SGCD: variants seen among roughly 807,000 people sequenced by gnomAD.
SGCD encodes delta-sarcoglycan.
In SGCD, 18 loss-of-function variants were observed where a neutral mutation model predicts 36.6. The ratio of observed to expected loss-of-function variants is 0.49; its 90% CI spans 0.34 to 0.73. The LOEUF (loss-of-function observed/expected upper bound fraction) is 0.73. Ranked by LOEUF, SGCD falls within the 30% of genes least tolerant of loss-of-function variation. The pLI, the probability that SGCD is intolerant of heterozygous loss-of-function variation, is 0.01. For synonymous variants in SGCD, 133 were observed against 130.6 expected (o/e 1.02, Z -0.12); for missense variants, 387 against 346.7 (o/e 1.12, Z -0.92).
intron 3 of SGCD, among the ~76,000 whole-genome samples, chr5:156,145,367 C>T (rs1762686664): frequency 6.6e-6 from 1 of 152,164 alleles, no homozygotes; most frequent in Non-Finnish European, 1.5e-5. Flanking sequence ...GTACAGCCTA[C>T]AGAATCATGA....
chr5:155,960,987 C>A (rs1481765409), intron 1 of SGCD, among the ~76,000 whole-genome samples: 2 of 152,068 alleles, frequency 1.3e-5, no homozygotes, highest in Admixed American at 6.6e-5. Context: ...ATTATGGGGG[C>A]TAAGTGGTTT....
intron 1 of SGCD, among the ~76,000 whole-genome samples, chr5:155,907,832 G>A (rs968117835): frequency 3.3e-5 from 5 of 152,070 alleles, no homozygotes; most frequent in African/African-American, 9.7e-5. Context: ...GCAATGATAG[G>A]GTTTGAGAGG....
chr5:156,731,034 A>G (rs1756034150), intron 7 of SGCD, among the ~76,000 whole-genome samples: 1 of 152,060 alleles, frequency 6.6e-6, no homozygotes, highest in Admixed American at 6.6e-5. Context: ...TCTTGGCCAC[A>G]TGTATGTCTT....
intron 3 of SGCD, among the ~76,000 whole-genome samples, chr5:156,234,502 T>G (rs999779087): frequency 1.1e-4 from 16 of 152,244 alleles, no homozygotes; most frequent in African/African-American, 3.6e-4. Flanking sequence ...GCCACACAGT[T>G]TAAAAAAAAC....
At chr5:156,309,087 C>G (rs1202449932) in intron 3 of SGCD, among the ~76,000 whole-genome samples, 1 of 152,064 alleles carries the variant, frequency 6.6e-6, no homozygotes, top group African/African-American at 2.4e-5. Context: ...TTGCCTTTGG[C>G]TTTTGACAGT....
At chr5:156,317,210 T>C (rs1767540786) in intron 3 of SGCD, among the ~76,000 whole-genome samples, 1 of 152,114 alleles carries the variant, frequency 6.6e-6, no homozygotes, top group African/African-American at 2.4e-5. Flanking sequence ...TCTGCTAATA[T>C]TTGAAGATTT....
chr5:156,249,960 A>G (rs1765535363), intron 3 of SGCD, among the ~76,000 whole-genome samples: 1 of 152,234 alleles, frequency 6.6e-6, no homozygotes, highest in Non-Finnish European at 1.5e-5. Context: ...TTCCTGGGCC[A>G]TGTGCCCATA....
intron 5 of SGCD, among the ~76,000 whole-genome samples, chr5:156,592,373 CAATAT>C (rs763528439): frequency 7.9e-5 from 12 of 152,094 alleles, no homozygotes; most frequent in Non-Finnish European, 1.8e-4. Flanking sequence ...AAAGCACTGA[CAATAT>C]AATATAGATT....
At chr5:156,057,731 C>T (rs989526964) in intron 1 of SGCD, among the ~76,000 whole-genome samples, 1 of 145,866 alleles carries the variant, frequency 6.9e-6, no homozygotes, top group African/African-American at 2.5e-5. Flanking sequence ...GAAACTGTCT[C>T]CTGCTGGCCA....
the SGCD span, among the ~76,000 whole-genome samples, chr5:155,757,373 A>T: frequency 6.6e-6 from 1 of 152,154 alleles, no homozygotes; most frequent in Admixed American, 6.5e-5. Flanking sequence ...TATTTTACCC[A>T]TCTTTGTATG....
At chr5:156,364,563 G>A (rs1290937563) in intron 3 of SGCD, among the ~76,000 whole-genome samples, 1 of 152,194 alleles carries the variant, frequency 6.6e-6, no homozygotes, top group Non-Finnish European at 1.5e-5. Flanking sequence ...TCCAGTATGT[G>A]TGTGACTTTC....
intron 3 of SGCD, among the ~76,000 whole-genome samples, chr5:156,167,874 A>T (rs1763250349): frequency 6.6e-6 from 1 of 152,204 alleles, no homozygotes; most frequent in African/African-American, 2.4e-5. Context: ...ATATTCCTTT[A>T]TAGTAATGCA....
rs145566221 is a variant in SGCD, at chr5:156,199,386, G to A, written c.-44+75367G>A. 1.4e-4 allele frequency among the ~76,000 whole-genome samples: 21 copies of A among 152,114 alleles called. No individual in the cohort carries two copies. The East Asian group carries it at 4.1e-3, about 29-fold the overall frequency. On this transcript the variant is annotated intron_variant, in intron 3 of 9. Transcript: ENST00000517913. ...AAATAATGTCTTCTTCACAGAATTGGGAAATAATAAATTCAATCAGGCATG... is the reference window on the plus strand; with the variant it reads ...AAATAATGTCTTCTTCACAGAATTGAGAAATAATAAATTCAATCAGGCATG...
chr5:156,008,663 A>G (rs1758799583), intron 1 of SGCD, among the ~76,000 whole-genome samples: 2 of 152,170 alleles, frequency 1.3e-5, no homozygotes, highest in African/African-American at 2.4e-5. Flanking sequence ...GGCATGAACC[A>G]TGGTGCCCAG....
intron 3 of SGCD, among the ~76,000 whole-genome samples, chr5:156,426,686 T>C (rs1223831207): frequency 1.3e-5 from 2 of 152,160 alleles, no homozygotes; most frequent in Non-Finnish European, 2.9e-5. Context: ...AGAACATTTA[T>C]GGTTTCAGCT....
chr5:156,433,842 A>T (rs1753129926), intron 3 of SGCD, among the ~76,000 whole-genome samples: 1 of 152,092 alleles, frequency 6.6e-6, no homozygotes, highest in Admixed American at 6.5e-5. Flanking sequence ...CCTTTCCCAA[A>T]GTGTCTCCCC....
At chr5:155,855,367 G>T in the SGCD span, among the ~76,000 whole-genome samples, 5 of 152,140 alleles carry the variant, frequency 3.3e-5, no homozygotes, top group South Asian at 6.2e-4. Context: ...GAATTTGTTT[G>T]ATAATATGCC....
intron 1 of SGCD, among the ~76,000 whole-genome samples, chr5:155,911,732 C>T (rs907900250): frequency 2.6e-5 from 4 of 152,064 alleles, no homozygotes; most frequent in Non-Finnish European, 5.9e-5. Context: ...AGTGATATCT[C>T]CTAGAATTCT....
chr5:156,342,639 C>T (rs1768725068), intron 2 of SGCD, among the ~76,000 whole-genome samples: 1 of 152,154 alleles, frequency 6.6e-6, no homozygotes, highest in Admixed American at 6.6e-5. Context: ...ATAACACATC[C>T]CTGATCTGCA....
Sources: allele counts gnomAD v4.1 joint callset (sites outside exome capture counted in the v4.1 genomes callset), GRCh38; gene constraint gnomAD v4.1.1; transcripts MANE v1.5; gene names NCBI Gene and HGNC (gene_info 2026-07-23, HGNC 2026-07-21).